The following TJP1 variants were observed in gnomAD, a reference collection of about 807,000 sequenced individuals.
TJP1 encodes the protein tight junction protein ZO-1.
In TJP1, 43 loss-of-function variants were observed where a neutral mutation model predicts 194.2. The observed-to-expected ratio is 0.22, with a 90% CI of 0.17 to 0.29. TJP1 has a LOEUF of 0.29. TJP1 is among the 10% of genes least tolerant of loss of function. The pLI is 1.00. For missense variants in TJP1, 1,971 were observed against 2,185.7 expected, an observed-to-expected ratio of 0.90 and a Z score of 1.96; for synonymous variants, 801 against 779.0, an observed-to-expected ratio of 1.03 and a Z score of -0.47.
chr15:29,884,738 CT>C (rs2053057612), intron 2 of TJP1, among the ~76,000 whole-genome samples: 1 of 152,168 alleles, frequency 6.6e-6, no homozygotes, highest in Non-Finnish European at 1.5e-5. Context: ...AAGTTTACAA[CT>C]GAGCGGAGAT....
chr15:29,773,115 T>C (rs1040503529), intron 3 of TJP1, 118 bp downstream of exon 3: 22 of 1,210,138 alleles, frequency 1.8e-5, no homozygotes, highest in Admixed American at 1.3e-4. Flanking sequence ...ATATGAAGCA[T>C]GGCACAGGTG....
chr15:29,789,529 AAG>A (rs1254187524), intron 2 of TJP1, among the ~76,000 whole-genome samples: 1 of 152,222 alleles, frequency 6.6e-6, no homozygotes, highest in Non-Finnish European at 1.5e-5. Context: ...CTTAGTCTTT[AAG>A]AATGAATAGG....
upstream of TJP1, among the ~76,000 whole-genome samples, chr15:29,824,764 C>T (rs2050628789): frequency 6.6e-6 from 1 of 152,176 alleles, no homozygotes. Context: ...ACACTATCTA[C>T]AAATGCACTG....
At chr15:29,811,813 C>T (rs774735086) in intron 1 of TJP1, among the ~76,000 whole-genome samples, 2 of 152,142 alleles carry the variant, frequency 1.3e-5, no homozygotes, top group African/African-American at 4.8e-5. Context: ...CACAAAACAT[C>T]TTGCTGGGCT....
At position 29,884,234 on chromosome 15, in the gene TJP1, A is replaced by T. The variant is rs1017567892; in HGVS notation, c.306+71998T>A. ...GTCTCATGTTATCCTTTTAAAATACAGCTGGAGAAACCTTAGAGATCATCT... is the reference window on the plus strand; with the variant it reads ...GTCTCATGTTATCCTTTTAAAATACTGCTGGAGAAACCTTAGAGATCATCT... On this transcript the variant is annotated intron_variant, in intron 2 of 28. Transcript: ENST00000356107. Among the ~76,000 whole-genome samples, 13 of 152,322 alleles carry T rather than the reference A, an allele frequency of 8.5e-5. No homozygotes were observed. The South Asian group carries it at 2.7e-3, about 32-fold the overall frequency.
Position 29,822,023 on chromosome 15 carries a change from G to T in TJP1, c.6C>A (p.Ser2=). 1 of 1,355,292 alleles carries T rather than the reference G, an allele frequency of 7.4e-7. No homozygotes were observed. Among genetic ancestry groups the T allele is most frequent in the Non-Finnish European group, 9.5e-7 (1 of 1,050,706 alleles). The allele number at this position is 1,355,292 out of a possible 1,614,324, so 84.0% of individuals were successfully genotyped here. The part of the protein sequence containing the change: M[S]ARAAAAKSTA... ...TCACCTTGGCGGCCGCAGCTCTGGCGGACATCTTGTCTCTCTCCAGCGCCG... is the reference window on the plus strand; with the variant it reads ...TCACCTTGGCGGCCGCAGCTCTGGCTGACATCTTGTCTCTCTCCAGCGCCG... The change falls in exon 1 of 28, where the codon TCC becomes TCA. Residue 2 remains serine, a synonymous_variant. Coordinates refer to ENST00000614355, the MANE Select transcript of TJP1 (RefSeq NM_001330239.4).
intron 2 of TJP1, among the ~76,000 whole-genome samples, chr15:29,781,876 C>T (rs2047387807): frequency 6.6e-6 from 1 of 152,170 alleles, no homozygotes; most frequent in African/African-American, 2.4e-5. Context: ...ACTGAATGGG[C>T]AAAAGCTGGA....
chr15:29,706,000 T>C (rs760185772), intron 25 of TJP1, among the ~76,000 whole-genome samples: 5 of 152,154 alleles, frequency 3.3e-5, no homozygotes, highest in Non-Finnish European at 5.9e-5. Context: ...GGCACAATCT[T>C]GGTTCACTGC....
chr15:29,868,057 C>CAAAAAA (rs33939764), intron 2 of TJP1, among the ~76,000 whole-genome samples: 2 of 127,344 alleles, frequency 1.6e-5, no homozygotes, highest in Admixed American at 8.3e-5. Flanking sequence ...GATTCTGTCT[C>CAAAAAA]AAAAAAAAAA....
At chr15:29,908,190 A>C (rs1349615338) in intron 2 of TJP1, among the ~76,000 whole-genome samples, 1 of 151,716 alleles carries the variant, frequency 6.6e-6, no homozygotes, top group Admixed American at 6.6e-5. Context: ...TTCTATTTTG[A>C]AAGGGCCTAC....
chr15:29,787,814 C>G (rs537170060), intron 2 of TJP1, among the ~76,000 whole-genome samples: 2 of 152,118 alleles, frequency 1.3e-5, no homozygotes, highest in Admixed American at 6.5e-5. Context: ...ATTATGTAGA[C>G]ATTTGCTTTC....
At position 29,839,068 on chromosome 15, in the gene TJP1, G is replaced by C. The variant is rs556441003; in HGVS notation, c.307-38366C>G. 2.3e-5 allele frequency among the ~76,000 whole-genome samples: 3 copies of C among 128,162 alleles called. No individual in the cohort carries two copies. In the South Asian group the frequency reaches 7.7e-4, roughly 33 times the overall value. 84.1% of individuals were successfully genotyped at this position (128,162 alleles called of 152,430 possible). A position where few individuals can be genotyped will look rare whatever the true frequency, so the allele number is the denominator to read the frequency against. On this transcript the variant is annotated intron_variant, in intron 2 of 28. Coordinates refer to the TJP1 transcript ENST00000356107. ...GGCTGGAGTGCAGTGGTGCCATCTCGGCTCACTGCAAGCTCCGCCTCCCGG... is the reference window on the plus strand; with the variant it reads ...GGCTGGAGTGCAGTGGTGCCATCTCCGCTCACTGCAAGCTCCGCCTCCCGG...
chr15:29,724,835 A>G (rs2043146297), intron 18 of TJP1, among the ~76,000 whole-genome samples: 1 of 152,218 alleles, frequency 6.6e-6, no homozygotes, highest in Non-Finnish European at 1.5e-5. Flanking sequence ...TCCTCACATA[A>G]AAAGCTAGAA....
intron 2 of TJP1, among the ~76,000 whole-genome samples, chr15:29,898,739 T>C (rs572273269): frequency 2.3e-4 from 35 of 152,362 alleles, no homozygotes; most frequent in Non-Finnish European, 4.1e-4. Flanking sequence ...ACGGATGCTC[T>C]ACCTGTTAGG....
At chr15:29,740,400 T>C (rs2044330479) in intron 10 of TJP1, among the ~76,000 whole-genome samples, 2 of 152,008 alleles carry the variant, frequency 1.3e-5, no homozygotes, top group South Asian at 4.1e-4. Flanking sequence ...CTGAGGTTGG[T>C]GGACTGCTTG....
chr15:29,928,115 A>G (rs1018907620), intron 2 of TJP1, among the ~76,000 whole-genome samples: 16 of 150,030 alleles, frequency 1.1e-4, no homozygotes, highest in African/African-American at 3.7e-4. Flanking sequence ...GATTATATAG[A>G]AAAAAAAAAC....
chr15:29,968,114 C>T, intron 1 of TJP1: 10 of 985,452 alleles, frequency 1.0e-5, no homozygotes, highest in Non-Finnish European at 1.2e-5. Context: ...GTAACAGTTT[C>T]CAGGTCGGAG....
chr15:29,718,296 C>T lies in TJP1; in HGVS notation c.3846G>A (p.Lys1282=), dbSNP rs2042696147. 1 of 1,613,752 alleles carries T rather than the reference C, an allele frequency of 6.2e-7. No homozygotes were observed. ...AACTGCCAGTGTCATTTACATCCTT[C>T]TTGGTCTCTAAGGATGCAGATCTTT... ...ENKRSASLET[K]KDVNDTGSFK... The change falls in exon 21 of 28, where the codon AAG becomes AAA. Residue 1282 remains lysine, a synonymous_variant. Transcript: ENST00000614355.
At chr15:29,949,883 ACCACCT>A (rs1403215692) in intron 2 of TJP1, among the ~76,000 whole-genome samples, 1 of 99,692 alleles carries the variant, frequency 1.0e-5, no homozygotes, top group African/African-American at 4.5e-5. Context: ...CTCCACAACC[ACCACCT>A]CCACCTCCAC....
Sources: allele counts gnomAD v4.1 joint callset (sites outside exome capture counted in the v4.1 genomes callset), GRCh38; gene constraint gnomAD v4.1.1; transcripts MANE v1.5; gene names NCBI Gene and HGNC (gene_info 2026-07-23, HGNC 2026-07-21).